The following KCNIP4 variants were observed in gnomAD, a reference collection of about 807,000 sequenced individuals.
KCNIP4 encodes potassium voltage-gated channel interacting protein 4, also known as Kv channel-interacting protein 4.
A neutral mutation model predicts 34.0 loss-of-function variants in KCNIP4; 12 were observed. The observed-to-expected ratio is 0.35, with a 90% CI of 0.23 to 0.57. The LOEUF (loss-of-function observed/expected upper bound fraction) is 0.57. Among genes scored for constraint, KCNIP4 ranks in the 20% least tolerant of loss-of-function variants. KCNIP4 has a pLI of 0.83. For synonymous variants in KCNIP4, 124 were observed against 102.2 expected (o/e 1.21, Z -1.29); for missense variants, 238 against 311.7 (o/e 0.76, Z 1.78).
chr4:21,261,215 G>A (rs1209962507), intron 1 of KCNIP4, among the ~76,000 whole-genome samples: 2 of 152,126 alleles, frequency 1.3e-5, no homozygotes, highest in Non-Finnish European at 2.9e-5. Context: ...ACACTGAAGG[G>A]ACTCTGGCTT....
chr4:20,990,408 C>T (rs1577496274), intron 1 of KCNIP4, among the ~76,000 whole-genome samples: 1 of 152,108 alleles, frequency 6.6e-6, no homozygotes, highest in African/African-American at 2.4e-5. Flanking sequence ...TATGGATGTC[C>T]ATTAAACTAT....
intron 1 of KCNIP4, among the ~76,000 whole-genome samples, chr4:21,664,504 G>T (rs758880210): frequency 2.0e-5 from 3 of 152,094 alleles, no homozygotes; most frequent in Admixed American, 6.5e-5. Flanking sequence ...CTTGCAATTT[G>T]AAAGTTGGAA....
rs576032205 is a variant in KCNIP4 at position 21,764,756 on chromosome 4, C to T, written c.61+183815G>A. On this transcript the variant is annotated intron_variant, in intron 1 of 8. Coordinates refer to ENST00000382152, the MANE Select transcript of KCNIP4 (RefSeq NM_025221.6). The stretch of plus-strand genomic sequence containing the variant: ...AGAGCAAGACTAAGGGACCTACTTC[C>T]CTGTCCTTTTTTGCTTGTCTGCTAT... Among the ~76,000 whole-genome samples the T allele has an allele frequency of 8.5e-5, 13 of 152,168 alleles. No homozygotes were observed. In the South Asian group the frequency reaches 2.7e-3, roughly 32 times the overall value.
chr4:21,825,732 C>T (rs1010264703), intron 1 of KCNIP4, among the ~76,000 whole-genome samples: 3 of 152,092 alleles, frequency 2.0e-5, no homozygotes, highest in African/African-American at 4.8e-5. Context: ...GCCTGGCTCA[C>T]GGTTACCTAC....
chr4:21,504,465 C>CAAAAAAAAAAGAAA (rs1733636261), intron 1 of KCNIP4, among the ~76,000 whole-genome samples: 1 of 56,386 alleles, frequency 1.8e-5, no homozygotes, highest in Non-Finnish European at 3.1e-5. Context: ...GACTCCAACT[C>CAAAAAAAAAAGAAA]AAAAAAAAAA....
chr4:21,440,709 C>T (rs1388064236), intron 1 of KCNIP4, among the ~76,000 whole-genome samples: 1 of 152,182 alleles, frequency 6.6e-6, no homozygotes, highest in African/African-American at 2.4e-5. Flanking sequence ...TGGGATCATA[C>T]ATCTCTATTC....
At chr4:21,685,319 G>A (rs549086459) in intron 1 of KCNIP4, among the ~76,000 whole-genome samples, 1 of 152,270 alleles carries the variant, frequency 6.6e-6, no homozygotes, top group African/African-American at 2.4e-5. Context: ...ATGCTGGCTT[G>A]TAAAAGTACT....
chr4:20,805,491 T>C (rs7695244), intron 3 of KCNIP4, among the ~76,000 whole-genome samples: 73,109 of 151,768 alleles, frequency 0.48, 17,946 homozygotes, highest in East Asian at 0.7. Flanking sequence ...TTTTCTTATA[T>C]AGAATTTGAG....
At chr4:20,850,389 C>G in intron 3 of KCNIP4, 154 bp downstream of exon 3, 1 of 790,264 alleles carries the variant, frequency 1.3e-6, no homozygotes. Context: ...TCAAAGTCCA[C>G]AGATACTGAT....
At chr4:21,459,702 G>A (rs1729284055) in intron 1 of KCNIP4, among the ~76,000 whole-genome samples, 1 of 151,988 alleles carries the variant, frequency 6.6e-6, no homozygotes, top group Non-Finnish European at 1.5e-5. Context: ...CCCATTTCAG[G>A]ACAGGTGAAG....
At chr4:21,761,794 A>T (rs114960520) in intron 1 of KCNIP4, among the ~76,000 whole-genome samples, 4,351 of 152,200 alleles carry the variant, frequency 0.029, 197 homozygotes, top group African/African-American at 0.099. Flanking sequence ...TTAAAAAAAA[A>T]TTCCTTACTT....
chr4:20,869,213 A>G (rs2149507608), intron 2 of KCNIP4, among the ~76,000 whole-genome samples: 2 of 152,176 alleles, frequency 1.3e-5, no homozygotes, highest in East Asian at 3.9e-4. Context: ...AGTATTCTGC[A>G]CTAAAACATT....
intron 1 of KCNIP4, among the ~76,000 whole-genome samples, chr4:21,211,257 C>G (rs556021050): frequency 2.4e-4 from 36 of 152,208 alleles, no homozygotes; most frequent in Middle Eastern, 3.4e-3. Context: ...AAACTGTGCA[C>G]TTTAAAGTTT....
At chr4:21,815,094 A>G (rs530194715) in intron 1 of KCNIP4, among the ~76,000 whole-genome samples, 1 of 152,296 alleles carries the variant, frequency 6.6e-6, no homozygotes, top group African/African-American at 2.4e-5. Context: ...TGAAAGTTAT[A>G]TAAGGAATGC....
At chr4:20,886,649 G>A (rs549495535) in intron 1 of KCNIP4, among the ~76,000 whole-genome samples, 65 of 152,236 alleles carry the variant, frequency 4.3e-4, no homozygotes, top group East Asian at 1.5e-3. Flanking sequence ...CACCTCTGGC[G>A]TTGCCCTGAG....
At chr4:20,963,446 T>A (rs574257472) in intron 1 of KCNIP4, among the ~76,000 whole-genome samples, 123 of 152,124 alleles carry the variant, frequency 8.1e-4, no homozygotes, top group South Asian at 3.5e-3. Context: ...ACTTTTTTTT[T>A]AAAACTCAGG....
rs555176515 is a variant in KCNIP4 at position 21,001,072 on chromosome 4, T to G, written c.62-118363A>C. 2.6e-5 allele frequency among the ~76,000 whole-genome samples: 4 copies of G among 152,330 alleles called. No homozygotes were observed. In the South Asian group the frequency reaches 6.2e-4, roughly 24 times the overall value. ...GAATTTTTACCAGCTTTATTCATGA[T>G]TCCCAGCACTGAGAACAGATTTGAC... is the stretch of plus-strand genomic sequence containing the variant. On this transcript the variant is annotated intron_variant, in intron 1 of 8. Coordinates refer to ENST00000382152, the MANE Select transcript of KCNIP4 (RefSeq NM_025221.6).
chr4:20,795,868 T>A (rs865895763), intron 3 of KCNIP4, among the ~76,000 whole-genome samples: 9 of 152,200 alleles, frequency 5.9e-5, no homozygotes, highest in Non-Finnish European at 1.0e-4. Context: ...TTATTTTTCA[T>A]AAGATGGTTC....
At chr4:21,770,313 C>T (rs367993399) in intron 1 of KCNIP4, among the ~76,000 whole-genome samples, 2 of 152,148 alleles carry the variant, frequency 1.3e-5, no homozygotes, top group Non-Finnish European at 2.9e-5. Flanking sequence ...CTTTTTATGG[C>T]TGCATAGTAT....
Sources: allele counts gnomAD v4.1 joint callset (sites outside exome capture counted in the v4.1 genomes callset), GRCh38; gene constraint gnomAD v4.1.1; transcripts MANE v1.5; gene names NCBI Gene and HGNC (gene_info 2026-07-23, HGNC 2026-07-21).